APEH: variants seen among roughly 807,000 people sequenced by gnomAD.
APEH encodes the protein acylaminoacyl-peptide hydrolase.
APEH carries 75 observed loss-of-function variants against 102.7 expected under a neutral mutation model. That is an observed-to-expected ratio of 0.73 (90% confidence interval 0.61 to 0.89). The LOEUF (loss-of-function observed/expected upper bound fraction) is 0.89. APEH is among the 40% of genes least tolerant of loss of function. The pLI, the probability that APEH is intolerant of heterozygous loss-of-function variation, is 0.00. For synonymous variants in APEH, 344 were observed against 362.7 expected (o/e 0.95, Z 0.59); for missense variants, 863 against 941.2 (o/e 0.92, Z 1.09).
rs944950389 is a variant in APEH, at chr3:49,679,183, C to T, written c.1158+234C>T. On this transcript the variant is annotated intron_variant, in intron 12 of 21. Transcript: ENST00000296456. This position sits in a 1 kb window ranked among gnomAD's most constrained non-coding sequence, Gnocchi z 4.3. ...AGGCAGAGATGCAACCCCTCCCAGG[C>T]ATTTCTAGCTGGGGGTCAAGGGGAC... is the stretch of plus-strand genomic sequence containing the variant. Among the ~76,000 whole-genome samples, 11 of 152,204 alleles carry T rather than the reference C, an allele frequency of 7.2e-5. No homozygotes were observed. Among genetic ancestry groups the T allele is most frequent in the Non-Finnish European group, 1.6e-4 (11 of 68,034 alleles).
rs375854335 is a variant in APEH at position 49,676,361 on chromosome 3, G to A, written c.607-17G>A. 3.9e-5 allele frequency: 63 copies of A among 1,614,106 alleles called. No homozygotes were observed. The highest frequency in any genetic ancestry group is 5.3e-5 in the Non-Finnish European group (62 of 1,180,024). ...GTCCTATAGACAGGCTGGGCATTGA[G>A]TATCTTGTGTTCTCAGGGGGATCAG... is the stretch of plus-strand genomic sequence containing the variant. On this transcript the variant is annotated splice_polypyrimidine_tract_variant and intron_variant, in intron 6 of 21. Transcript: ENST00000296456.
chr3:49,674,506 C>A lies in APEH; in HGVS notation c.30C>A (p.Pro10=). 2 of 1,568,086 alleles carry A rather than the reference C, an allele frequency of 1.3e-6. No homozygotes were observed. Among genetic ancestry groups the A allele is most frequent in the East Asian group, 2.3e-5 (1 of 43,486 alleles). ...CTGCGCAGGTGCTGCTGAGCGAGCCCGAGGAGGCGGCGGCTCTGTATCGGG... is the reference window on the plus strand; with the variant it reads ...CTGCGCAGGTGCTGCTGAGCGAGCCAGAGGAGGCGGCGGCTCTGTATCGGG... MERQVLLSE[P]EEAAALYRGL... is the part of the protein sequence containing the mutation. The change falls in exon 2 of 22, where the codon CCC becomes CCA. Residue 10 remains proline, a synonymous_variant. Transcript: ENST00000296456.
At position 49,675,981 on chromosome 3, in the gene APEH, T is replaced by G; in HGVS notation, c.442+15T>G. The G allele has an allele frequency of 6.2e-7, 1 of 1,614,216 alleles. No individual in the cohort carries two copies. Among genetic ancestry groups the G allele is most frequent in the Non-Finnish European group, 8.5e-7 (1 of 1,180,026 alleles). On this transcript the variant is annotated intron_variant, in intron 5 of 21. Transcript: ENST00000296456. ...TTATGAGGATGGTGAGGCATCTGGC[T>G]GGTGAGCAGGCAGGGTGGACAGGAG...
Position 49,683,573 on chromosome 3 carries a change from C to G in APEH, c.*231C>G. On this transcript the variant is annotated 3_prime_UTR_variant, in exon 22 of 22. Transcript: ENST00000296456. ...ACCTCCCACTCTGGGGTGCAGAGAC[C>G]CTAGGTTCTGGGTGTGGCAGCCACA... 2 of 537,062 alleles carry G rather than the reference C, an allele frequency of 3.7e-6. No individual in the cohort carries two copies. Among genetic ancestry groups the G allele is most frequent in the South Asian group, 2.0e-5 (1 of 48,828 alleles). 33.3% of individuals were successfully genotyped at this position (537,062 alleles called of 1,614,324 possible). A position where few individuals can be genotyped will look rare whatever the true frequency, so the allele number is the denominator to read the frequency against.
Position 49,683,967 on chromosome 3 carries a change from A to G in APEH, c.*625A>G, listed in dbSNP as rs970282724. 6 of 1,579,648 alleles carry G rather than the reference A, an allele frequency of 3.8e-6. No individual in the cohort carries two copies. In the Admixed American group the frequency reaches 5.3e-5, roughly 14 times the overall value. The stretch of plus-strand genomic sequence containing the variant: ...ATCTGTACAGGCATAAAGAGGAAAC[A>G]TGGCTTTATGTCTGACAAGAAGTTT... On this transcript the variant is annotated 3_prime_UTR_variant, in exon 22 of 22. Coordinates refer to ENST00000296456, the MANE Select transcript of APEH (RefSeq NM_001640.4).
chr3:49,678,562 TACTC>T (rs1454443060), intron 11 of APEH, among the ~76,000 whole-genome samples: 6 of 152,212 alleles, frequency 3.9e-5, no homozygotes, highest in Non-Finnish European at 5.9e-5. Context: ...CAACTGGAAT[TACTC>T]AGGAGAGCAA....
chr3:49,675,608 G>C, intron 3 of APEH, 86 bp from the exon 4 acceptor site: 1 of 1,351,044 alleles, frequency 7.4e-7, no homozygotes, highest in Non-Finnish European at 1.1e-6. Flanking sequence ...AGAGCCTCAA[G>C]AATCTCTCCT....
Position 49,677,615 on chromosome 3 carries a change from G to A in APEH, c.1042G>A (p.Val348Met). ...GGTTACCTCAGTGGTGGTAGATGTT[G>A]TGCCTCGGCAGCTGGGAGGTAAGGC... ...TKVTSVVVDV[V>M]PRQLGENFSG... Residue 348 changes from valine to methionine, a missense_variant, in exon 11 of 22, where the codon GTG (valine) becomes ATG (methionine). Physicochemically the swap from Val to Met is conservative, Grantham distance 21 (BLOSUM62 1). Transcript: ENST00000296456. The A allele has an allele frequency of 6.2e-7, 1 of 1,613,956 alleles. No individual in the cohort carries two copies. The highest frequency in any genetic ancestry group is 8.5e-7 in the Non-Finnish European group (1 of 1,179,856).
At position 49,674,593 on chromosome 3, in the gene APEH, C is replaced by T; in HGVS notation, c.117C>T (p.Tyr39=). The T allele has an allele frequency of 2.5e-6, 4 of 1,581,854 alleles. No individual in the cohort carries two copies. Among genetic ancestry groups the T allele is most frequent in the Non-Finnish European group, 3.4e-6 (4 of 1,173,496 alleles). ...TGGGCCCGGAGGTCACCACGCAGTA[C>T]GGCGGCCAATACCGGACGGTGCACA... ...ACLGPEVTTQ[Y]GGQYRTVHTE... is the part of the protein sequence containing the mutation. The change falls in exon 2 of 22, where the codon TAC becomes TAT. Residue 39 remains tyrosine, a synonymous_variant. Transcript: ENST00000296456.
rs779391887 is a variant in APEH at position 49,681,805 on chromosome 3, G to A, written c.1522G>A (p.Gly508Arg). ...AGTGCCCATGGTGGTCATGCCCCAC[G>A]GTAGGCATCTGGCGTTAAGAGCCCT... ...TQVPMVVMPH[G>R]GPHSSFVTAW... The change falls in exon 16 of 22, where the codon GGG becomes AGG. Residue 508 changes from glycine to arginine, a missense_variant and splice_region_variant. Coordinates refer to ENST00000296456, the MANE Select transcript of APEH (RefSeq NM_001640.4). The A allele has an allele frequency of 2.5e-5, 41 of 1,611,944 alleles. No individual in the cohort carries two copies. Among genetic ancestry groups the A allele is most frequent in the Middle Eastern group, 1.6e-4 (1 of 6,072 alleles).
Position 49,674,456 on chromosome 3 carries a change from G to A in APEH, c.13-33G>A, listed in dbSNP as rs376133532. The A allele has an allele frequency of 1.4e-5, 22 of 1,570,244 alleles. No individual in the cohort carries two copies. In the Middle Eastern group the frequency reaches 5.3e-4, roughly 37 times the overall value. On this transcript the variant is annotated intron_variant, in intron 1 of 21. Transcript: ENST00000296456. ...GGTCCCCGTGGTCCCTGCAGCCCGG[G>A]CCGGGCCTGACCCTGGTGTGTCCCC... is the stretch of plus-strand genomic sequence containing the variant.
At chr3:49,681,835 C>T in intron 16 of APEH, 30 bp downstream of exon 16, 11 of 1,610,274 alleles carry the variant, frequency 6.8e-6, no homozygotes, top group Non-Finnish European at 9.3e-6. Context: ...AGCCCTTGCC[C>T]TCCCAGCCCT....
At position 49,683,846 on chromosome 3, in the gene APEH, G is replaced by C; in HGVS notation, c.*504G>C. On this transcript the variant is annotated 3_prime_UTR_variant, in exon 22 of 22. Coordinates refer to ENST00000296456, the MANE Select transcript of APEH (RefSeq NM_001640.4). Reference sequence around the variant, plus strand: ...CCTTGGTTGGGGAAGCCCCTAGGCTGGACAGATCACCTAGCCCAGGGTGTG... The same window carrying C: ...CCTTGGTTGGGGAAGCCCCTAGGCTCGACAGATCACCTAGCCCAGGGTGTG... 1 of 905,162 alleles carries C rather than the reference G, an allele frequency of 1.1e-6. No individual in the cohort carries two copies. The highest frequency in any genetic ancestry group is 1.8e-5 in the South Asian group (1 of 55,896). The allele number at this position is 905,162 out of a possible 1,614,324, so 56.1% of individuals were successfully genotyped here.
At chr3:49,682,507 C>G in intron 18 of APEH, 39 bp from the exon 19 acceptor site, 1 of 1,612,732 alleles carries the variant, frequency 6.2e-7, no homozygotes, top group Non-Finnish European at 8.5e-7. Flanking sequence ...TTCAGCTGAG[C>G]GGGCAGCTGG....
At chr3:49,681,664 G>C in intron 15 of APEH, 58 bp from the exon 16 acceptor site, 1 of 1,405,532 alleles carries the variant, frequency 7.1e-7, no homozygotes, top group Non-Finnish European at 9.6e-7. Context: ...CTAGAGATGG[G>C]GCCTTAGTTG....
In APEH at chr3:49,676,937, TC is replaced by T; in HGVS notation, c.916del (p.Arg306GlyfsTer2). On this transcript the variant is annotated frameshift_variant, in exon 10 of 22. Coordinates refer to ENST00000296456, the MANE Select transcript of APEH (RefSeq NM_001640.4). LOFTEE classifies it high-confidence loss of function. ...CGGATGACTCCCTGGCTGTCTCTTC[TC>T]CCCGGCTGAGCCCAGACCAATGTCG... Reference protein sequence around the residue: ...LSDDSLAVSSPRLSPDQCRIV... With the variant: ...LSDDSLAVSSXRLSPDQCRIV... 1 of 1,614,162 alleles carries T rather than the reference TC, an allele frequency of 6.2e-7. No individual in the cohort carries two copies. Among genetic ancestry groups the T allele is most frequent in the Non-Finnish European group, 8.5e-7 (1 of 1,180,016 alleles).
chr3:49,675,991 G>A, intron 5 of APEH, 25 bp downstream of exon 5: 3 of 1,614,210 alleles, frequency 1.9e-6, no homozygotes, highest in Non-Finnish European at 2.5e-6. Context: ...TGGTGAGCAG[G>A]CAGGGTGGAC....
chr3:49,675,723 C>T lies in APEH; in HGVS notation c.302C>T (p.Thr101Ile). The T allele has an allele frequency of 6.2e-7, 1 of 1,614,038 alleles. No individual in the cohort carries two copies. Among genetic ancestry groups the T allele is most frequent in the Admixed American group, 1.7e-5 (1 of 60,030 alleles). ...CTGAGCAGAGAGTCTCCTTCAGGCA[C>T]CATGAAAGCTGTGCTGCGCAAGGCT... The part of the protein sequence containing the change: ...ELLSRESPSG[T>I]MKAVLRKAGG... The change falls in exon 4 of 22, where the codon ACC becomes ATC. Residue 101 changes from threonine to isoleucine, a missense_variant. Physicochemically the swap from Thr to Ile is moderately conservative, Grantham distance 89. Transcript: ENST00000296456.
intron 13 of APEH, 162 bp from the exon 14 acceptor site, chr3:49,680,379 G>C: frequency 1.6e-6 from 1 of 619,716 alleles, no homozygotes; most frequent in Non-Finnish European, 2.9e-6. Flanking sequence ...AGAGCAGGAG[G>C]CTCACCCGGG....
Sources: allele counts gnomAD v4.1 joint callset (sites outside exome capture counted in the v4.1 genomes callset), GRCh38; gene constraint gnomAD v4.1.1; non-coding constraint Gnocchi (gnomAD v3.1); transcripts MANE v1.5; gene names NCBI Gene and HGNC (gene_info 2026-07-23, HGNC 2026-07-21).